OGDH: variants seen among roughly 807,000 people sequenced by gnomAD.
The protein encoded by OGDH is oxoglutarate dehydrogenase.
OGDH carries 38 observed loss-of-function variants against 116.6 expected under a neutral mutation model. The ratio of observed to expected loss-of-function variants is 0.33; its 90% confidence interval spans 0.25 to 0.43. OGDH has a LOEUF of 0.43. Among genes scored for constraint, OGDH ranks in the 20% least tolerant of loss-of-function variants. OGDH has a pLI of 1.00. For synonymous variants in OGDH, 488 were observed against 533.3 expected (o/e 0.92, Z 1.17); for missense variants, 825 against 1,357.2 (o/e 0.61, Z 6.16).
intron 2 of OGDH, among the ~76,000 whole-genome samples, chr7:44,632,950 G>A (rs1785506315): frequency 6.6e-6 from 1 of 151,788 alleles, no homozygotes; most frequent in Non-Finnish European, 1.5e-5. Context: ...AAAGGGGAGA[G>A]AGATCAAAAA....
rs112922556 is a variant in OGDH, at chr7:44,623,605, G to A, written c.-27-712G>A. Among the ~76,000 whole-genome samples, 1,269 of 151,850 alleles carry A rather than the reference G, an allele frequency of 8.4e-3. 25 individuals carry two copies. Among genetic ancestry groups the A allele is most frequent in the African/African-American group, 0.029 (1,194 of 41,226 alleles). On this transcript the variant is annotated intron_variant, in intron 1 of 22. Transcript: ENST00000222673. ...GTAATATGTAAATTTAAAGAACATC[G>A]TATGTTTATCATCTTAGCCCTTAAA...
intron 1 of OGDH, among the ~76,000 whole-genome samples, chr7:44,617,806 G>GT (rs1448893491): frequency 6.6e-6 from 1 of 152,118 alleles, no homozygotes. Context: ...TGATGTGTGG[G>GT]TTTTTTTCCC....
intron 20 of OGDH, among the ~76,000 whole-genome samples, chr7:44,704,224 G>GT (rs1478112780): frequency 6.6e-6 from 1 of 152,036 alleles, no homozygotes; most frequent in African/African-American, 2.4e-5. Context: ...CTATTTTCTG[G>GT]TTTTTTCATA....
intron 4 of OGDH, among the ~76,000 whole-genome samples, chr7:44,648,232 G>A (rs759732615): frequency 6.6e-6 from 1 of 152,238 alleles, no homozygotes; most frequent in African/African-American, 2.4e-5. Context: ...AGAGCAAGTT[G>A]TGCAGTTGGG....
intron 1 of OGDH, among the ~76,000 whole-genome samples, chr7:44,609,112 A>G (rs1784465182): frequency 6.6e-6 from 1 of 152,118 alleles, no homozygotes; most frequent in Non-Finnish European, 1.5e-5. Context: ...TGGCATGTCA[A>G]GAATGCCAAA....
At chr7:44,683,197 A>G (rs1788001990) in intron 10 of OGDH, among the ~76,000 whole-genome samples, 1 of 152,288 alleles carries the variant, frequency 6.6e-6, no homozygotes, top group Middle Eastern at 3.4e-3. Flanking sequence ...ATAGATTTTA[A>G]TACATTATTT....
Position 44,708,717 on chromosome 7 carries a change from C to T in OGDH, c.*718C>T, listed in dbSNP as rs2116451145. 6.6e-6 allele frequency: 1 copy of T among 152,376 alleles called. No individual in the cohort carries two copies. Among genetic ancestry groups the T allele is most frequent in the African/African-American group, 2.4e-5 (1 of 41,574 alleles). The allele number at this position is 152,376 out of a possible 1,614,324, so 9.4% of individuals were successfully genotyped here. A position where few individuals can be genotyped will look rare whatever the true frequency, so the allele number is the denominator to read the frequency against. ...GTCTGTGTGTAGCCAGGAAGCCCCG[C>T]TCAGGTAGCCACCACCGGGGCACTG... On this transcript the variant is annotated 3_prime_UTR_variant, in exon 23 of 23. Coordinates refer to ENST00000222673, the MANE Select transcript of OGDH (RefSeq NM_002541.4).
rs199871931 is a variant in OGDH, at chr7:44,694,450, C to T, written c.1542C>T (p.Asn514=). 110 of 1,613,904 alleles carry T rather than the reference C, an allele frequency of 6.8e-5. 1 individual carries two copies. The East Asian group carries it at 1.2e-3, about 18-fold the overall frequency. Residue 514 remains asparagine (N), a synonymous_variant, in exon 12 of 23, where the codon AAC becomes AAT. Transcript: ENST00000222673. The surrounding 1 kb of genome is among the most constrained non-coding windows in gnomAD (Gnocchi z 4.2). The part of the protein sequence containing the change: ...DLVCYRRNGH[N]EMDEPMFTQP... ...TGTGTTACCGGCGCAACGGCCACAA[C>T]GAGATGGATGAGCCCATGTTCACGC...
chr7:44,666,805 G>T lies in OGDH; in HGVS notation c.587G>T (p.Gly196Val). The T allele has an allele frequency of 6.2e-7, 1 of 1,613,312 alleles. No homozygotes were observed. The highest frequency in any genetic ancestry group is 8.5e-7 in the Non-Finnish European group (1 of 1,179,614). ...FHLPTTTFIGGQESALPLREI... is the reference protein window; with the variant it reads ...FHLPTTTFIGVQESALPLREI... ...TTGCCCACCACCACTTTCATCGGGG[G>T]ACAGGAATCAGCACTTCCTCTGCGG... Residue 196 changes from glycine (G) to valine (V), a missense_variant, in exon 5 of 23, where the codon GGA (glycine) becomes GTA (valine). Gly to Val is a moderately radical substitution (Grantham distance 109). Around this residue, in one of 7 missense-constraint regions of OGDH, gnomAD observed 171 missense variants for 276.8 expected, o/e 0.62. Transcript: ENST00000222673.
At chr7:44,620,749 T>G (rs1784977992) in intron 1 of OGDH, among the ~76,000 whole-genome samples, 1 of 120,874 alleles carries the variant, frequency 8.3e-6, no homozygotes, top group Non-Finnish European at 1.8e-5. Context: ...TGAGATGTTT[T>G]TGCGATTTTT....
At chr7:44,680,812 T>C (rs1375289861) in intron 9 of OGDH, among the ~76,000 whole-genome samples, 1 of 151,916 alleles carries the variant, frequency 6.6e-6, no homozygotes. Flanking sequence ...AGCAAGGAGG[T>C]GCTCATGAAT....
intron 10 of OGDH, among the ~76,000 whole-genome samples, chr7:44,686,449 G>A (rs1242521657): frequency 1.3e-5 from 2 of 152,054 alleles, no homozygotes; most frequent in Non-Finnish European, 2.9e-5. Context: ...TTTCAAATGT[G>A]GAATTTTTGT....
intron 2 of OGDH, among the ~76,000 whole-genome samples, chr7:44,626,539 A>G (rs1371731779): frequency 6.6e-6 from 1 of 152,188 alleles, no homozygotes; most frequent in Non-Finnish European, 1.5e-5. Context: ...CCTAAATGAC[A>G]GTGCCTAGTG....
rs554332805 is a variant in OGDH, at chr7:44,663,519, A to T, written c.518-3217A>T. On this transcript the variant is annotated intron_variant, in intron 4 of 22. Coordinates refer to ENST00000222673, the MANE Select transcript of OGDH (RefSeq NM_002541.4). ...TGCTGTGGCTCACGCCTTTAATCCC[A>T]GCACTTTGGGAGACTGAGGCGGGCA... Among the ~76,000 whole-genome samples, 15 of 152,342 alleles carry T rather than the reference A, an allele frequency of 9.8e-5. No homozygotes were observed. In the East Asian group the frequency reaches 2.9e-3, roughly 29 times the overall value.
intron 10 of OGDH, among the ~76,000 whole-genome samples, chr7:44,688,495 A>C (rs540779417): frequency 4.6e-4 from 60 of 129,584 alleles, no homozygotes; most frequent in African/African-American, 1.7e-3. Context: ...CAGTGGTGTG[A>C]TCTCGGCTCA....
At position 44,624,408 on chromosome 7, in the gene OGDH, C is replaced by T. The variant is rs759506715; in HGVS notation, c.65C>T (p.Thr22Ile). 3.1e-6 allele frequency: 5 copies of T among 1,600,548 alleles called. No individual in the cohort carries two copies. Among genetic ancestry groups the T allele is most frequent in the East Asian group, 4.5e-5 (2 of 44,374 alleles). The change falls in exon 2 of 23, where the codon ACA becomes ATA. Residue 22 changes from threonine (T) to isoleucine (I), a missense_variant. Thr to Ile is a moderately conservative substitution (Grantham distance 89, BLOSUM62 -1). This residue lies in a region of OGDH where 126 missense variants were observed against 130.4 expected (regional missense o/e 0.97). Coordinates refer to ENST00000222673, the MANE Select transcript of OGDH (RefSeq NM_002541.4). ...TTGACGGCTTCCCAGACTGTTAAGA[C>T]ATTTTCACAAAACAGACCAGCAGCA... ...RPLTASQTVKTFSQNRPAAAR... is the reference protein window; with the variant it reads ...RPLTASQTVKIFSQNRPAAAR...
Position 44,696,568 on chromosome 7 carries a change from C to T in OGDH, c.1900+11C>T, listed in dbSNP as rs779274076. On this transcript the variant is annotated intron_variant, in intron 14 of 22. Transcript: ENST00000222673. ...TTACTATTCATGGAGGTAACACGCT[C>T]TGTGCTGACCTGTGGAAATGTTGGG... 1 of 1,613,988 alleles carries T rather than the reference C, an allele frequency of 6.2e-7. No individual in the cohort carries two copies. The highest frequency in any genetic ancestry group is 8.5e-7 in the Non-Finnish European group (1 of 1,179,920).
At chr7:44,700,452 C>T (rs939664545) in intron 19 of OGDH, among the ~76,000 whole-genome samples, 183 bp downstream of exon 19, 3 of 152,244 alleles carry the variant, frequency 2.0e-5, no homozygotes, top group Non-Finnish European at 2.9e-5. Context: ...GAGGGAACTG[C>T]GTGTTCTGTG....
Position 44,707,191 on chromosome 7 carries a change from G to A in OGDH, c.2633-34G>A, listed in dbSNP as rs1456746996. 1.9e-6 allele frequency: 3 copies of A among 1,610,696 alleles called. No individual in the cohort carries two copies. The highest frequency in any genetic ancestry group is 2.5e-6 in the Non-Finnish European group (3 of 1,178,254). ...GGAGAGCTCTCAGCCACATACCTGAGAGAACCAGCCTAGCCATGGGAACTC... is the reference window on the plus strand; with the variant it reads ...GGAGAGCTCTCAGCCACATACCTGAAAGAACCAGCCTAGCCATGGGAACTC... On this transcript the variant is annotated intron_variant, in intron 20 of 22. Transcript: ENST00000222673. This position sits in a 1 kb window ranked among gnomAD's most constrained non-coding sequence, Gnocchi z 5.2.
Sources: gnomAD v4.1 joint callset for allele counts (sites outside exome capture counted in the v4.1 genomes callset) on GRCh38, gnomAD v4.1.1 for gene constraint, gnomAD v4.1.1 regional missense constraint, Gnocchi (gnomAD v3.1) non-coding constraint, MANE v1.5 for transcripts, NCBI Gene and HGNC (gene_info 2026-07-23, HGNC 2026-07-21) for gene names.